Variants in DCLRE1C observed in about 807,000 individuals in gnomAD.
DCLRE1C encodes DNA cross-link repair 1C.
Under a neutral mutation model 61.4 loss-of-function variants are expected in DCLRE1C, and 47 were observed. That is an observed-to-expected ratio of 0.77 (90% CI 0.61 to 0.98). The LOEUF is 0.98. Among genes scored for constraint, DCLRE1C ranks in the 50% least tolerant of loss-of-function variants. DCLRE1C has a pLI of 0.00. For missense variants in DCLRE1C, 858 were observed against 816.0 expected (o/e 1.05, Z -0.63); for synonymous variants, 337 against 287.6 (o/e 1.17, Z -1.74).
At chr10:14,897,382 T>G (rs757438301) in exon 14 of DCLRE1C, 1 of 1,613,320 alleles carries the variant, frequency 6.2e-7, no homozygotes, top group Non-Finnish European at 8.5e-7. Flanking sequence ...GTGGTCCTGA[T>G]TGTCCCAATA....
intron 2 of DCLRE1C, among the ~76,000 whole-genome samples, chr10:14,946,715 G>A (rs1841751412): frequency 6.6e-6 from 1 of 151,864 alleles, no homozygotes; most frequent in Admixed American, 6.6e-5. Context: ...AGGCTGGAAT[G>A]CAAGCTATCC....
At chr10:14,946,070 C>T (rs914975126) in intron 2 of DCLRE1C, among the ~76,000 whole-genome samples, 7 of 149,868 alleles carry the variant, frequency 4.7e-5, no homozygotes, top group Admixed American at 3.3e-4. Context: ...TGCGGTGGCG[C>T]GATCTCGGCT....
At chr10:14,914,910 A>G (rs1363548266) in intron 13 of DCLRE1C, among the ~76,000 whole-genome samples, 1 of 151,920 alleles carries the variant, frequency 6.6e-6, no homozygotes, top group Non-Finnish European at 1.5e-5. Flanking sequence ...ACTGCACTCC[A>G]GCCTGGGGAA....
intron 11 of DCLRE1C, among the ~76,000 whole-genome samples, chr10:14,925,634 G>T (rs1237948226): frequency 2.0e-5 from 3 of 152,056 alleles, no homozygotes; most frequent in Non-Finnish European, 2.9e-5. Context: ...TTGAACTCAT[G>T]GTCAATAGCC....
chr10:14,919,984 A>G (rs886492129), intron 12 of DCLRE1C, 152 bp from the exon 13 acceptor site: 8 of 690,672 alleles, frequency 1.2e-5, no homozygotes, highest in South Asian at 1.1e-4. Context: ...AAATCACACA[A>G]CTACTTTGGA....
intron 12 of DCLRE1C, among the ~76,000 whole-genome samples, chr10:14,920,934 G>C (rs936257772): frequency 6.6e-6 from 1 of 152,122 alleles, no homozygotes; most frequent in South Asian, 2.1e-4. Context: ...AGTGAGCCGA[G>C]GTTGCACCAC....
intron 13 of DCLRE1C, among the ~76,000 whole-genome samples, chr10:14,912,831 G>A (rs942430694): frequency 2.0e-5 from 3 of 152,018 alleles, no homozygotes; most frequent in Non-Finnish European, 2.9e-5. Flanking sequence ...ACAGGTGCCC[G>A]CCACCACACC....
At chr10:14,938,261 AT>A (rs765941561) in intron 4 of DCLRE1C, among the ~76,000 whole-genome samples, 7 of 152,216 alleles carry the variant, frequency 4.6e-5, no homozygotes, top group Admixed American at 2.0e-4. Flanking sequence ...AATATCCCTG[AT>A]TGTGACAAGG....
intron 13 of DCLRE1C, among the ~76,000 whole-genome samples, chr10:14,914,771 G>A (rs1588935203): frequency 6.6e-6 from 1 of 152,000 alleles, no homozygotes; most frequent in Non-Finnish European, 1.5e-5. Context: ...AAACCCTGTG[G>A]CTACTAAAAA....
intron 11 of DCLRE1C, 36 bp from the exon 12 acceptor site, chr10:14,923,105 T>G: frequency 2.2e-4 from 323 of 1,474,648 alleles, no homozygotes; most frequent in Middle Eastern, 3.4e-4. Context: ...CAACAATCTC[T>G]ACGATGAAAC....
At chr10:14,929,997 C>A (rs1838699755) in intron 9 of DCLRE1C, among the ~76,000 whole-genome samples, 1 of 152,324 alleles carries the variant, frequency 6.6e-6, no homozygotes, top group African/African-American at 2.4e-5. Context: ...ACTAACTAAG[C>A]TACTTTGTGG....
At chr10:14,899,354 TTTTCTTC>T in intron 13 of DCLRE1C, 1 of 703,608 alleles carries the variant, frequency 1.4e-6, no homozygotes, top group Non-Finnish European at 2.5e-6. Flanking sequence ...GCATTATCAT[TTTTCTTC>T]CCCTCATTTT....
chr10:14,953,117 T>C (rs188910224), intron 1 of DCLRE1C, among the ~76,000 whole-genome samples: 1 of 152,304 alleles, frequency 6.6e-6, no homozygotes, highest in Non-Finnish European at 1.5e-5. Context: ...TTTCTCCAAT[T>C]AACACTAATG....
At chr10:14,901,334 C>T, downstream of DCLRE1C, 4 of 1,582,986 alleles carry the variant, frequency 2.5e-6, no homozygotes, top group Non-Finnish European at 3.5e-6. Context: ...AGGAACAGAC[C>T]TTAGATATTT....
At chr10:14,922,355 C>G (rs1461910128) in intron 12 of DCLRE1C, among the ~76,000 whole-genome samples, 2 of 151,442 alleles carry the variant, frequency 1.3e-5, no homozygotes, top group African/African-American at 4.9e-5. Context: ...GCAGGAGAAT[C>G]GTTTGAACCC....
At chr10:14,950,484 T>G (rs773161164) in intron 1 of DCLRE1C, among the ~76,000 whole-genome samples, 1 of 151,908 alleles carries the variant, frequency 6.6e-6, no homozygotes, top group Non-Finnish European at 1.5e-5. Flanking sequence ...TGGCCATCAT[T>G]AGACCCAGTG....
At chr10:14,951,518 C>G (rs1019943515) in intron 1 of DCLRE1C, among the ~76,000 whole-genome samples, 1 of 150,814 alleles carries the variant, frequency 6.6e-6, no homozygotes, top group African/African-American at 2.4e-5. Context: ...CCATAGATAC[C>G]ATAGTTGGCC....
Position 14,928,149 on chromosome 10 carries a change from C to T in DCLRE1C, c.784G>A (p.Glu262Lys). 4 of 1,613,064 alleles carry T rather than the reference C, an allele frequency of 2.5e-6. No individual in the cohort carries two copies. The highest frequency in any genetic ancestry group is 1.1e-5 in the South Asian group (1 of 91,052). Residue 262 changes from glutamate (E) to lysine (K), a missense_variant, in exon 10 of 14, where the codon GAG becomes AAG. This residue lies in a region of DCLRE1C where 843 missense variants were observed against 783.5 expected (regional missense o/e 1.08). Coordinates refer to ENST00000378278, the MANE Select transcript of DCLRE1C (RefSeq NM_001033855.3). ...AATTTGCTCCACTGAAAATATTCCT[C>T]TGCCTAAAAAAGATAAAAAGCATAG... Reference protein sequence around the residue: ...QIHACRHPKAEEYFQWSKLPC... With the variant: ...QIHACRHPKAKEYFQWSKLPC...
chr10:14,939,588 G>A (rs1288109309), intron 4 of DCLRE1C, among the ~76,000 whole-genome samples: 1 of 152,072 alleles, frequency 6.6e-6, no homozygotes, highest in Non-Finnish European at 1.5e-5. Flanking sequence ...TGTGAGTCCA[G>A]CCCAAATGGA....
Sources: allele counts gnomAD v4.1 joint callset (sites outside exome capture counted in the v4.1 genomes callset), GRCh38; gene constraint gnomAD v4.1.1; regional missense constraint gnomAD v4.1.1; transcripts MANE v1.5; gene names NCBI Gene and HGNC (gene_info 2026-07-23, HGNC 2026-07-21).